GIGYF1: variants seen among roughly 807,000 people sequenced by gnomAD.
GIGYF1 encodes GRB10-interacting GYF protein 1.
A neutral mutation model predicts 147.1 loss-of-function variants in GIGYF1; 84 were observed. That is an observed-to-expected ratio of 0.57 (90% CI 0.48 to 0.68). The LOEUF (loss-of-function observed/expected upper bound fraction) is 0.68. GIGYF1 is among the 30% of genes least tolerant of loss of function. The probability of loss-of-function intolerance (pLI) is 0.00; values close to 1 mark genes in which losing one functional copy is unlikely to be tolerated. For missense variants in GIGYF1, 1,485 were observed against 1,393.7 expected, an observed-to-expected ratio of 1.07 and a Z score of -1.04; for synonymous variants, 752 against 589.5, an observed-to-expected ratio of 1.28 and a Z score of -3.99.
rs775363524 is a variant in GIGYF1, at chr7:100,685,373, G to A, written c.1163C>T (p.Thr388Ile). 1.3e-6 allele frequency: 2 copies of A among 1,598,946 alleles called. No homozygotes were observed. The highest frequency in any genetic ancestry group is 2.2e-5 in the South Asian group (2 of 88,920). Residue 388 changes from threonine (T) to isoleucine (I), a missense_variant, in exon 13 of 27, where the codon ACT (threonine) becomes ATT (isoleucine). By Grantham distance (89) the Thr-to-Ile change is moderately conservative. Coordinates refer to ENST00000678049, the MANE Select transcript of GIGYF1 (RefSeq NM_001375765.1). ...GGCCGCTGGGGGCTCTTTCTCTGCAGTTTCGTCCCCATCCCCGTTTGTCCC... is the reference window on the plus strand; with the variant it reads ...GGCCGCTGGGGGCTCTTTCTCTGCAATTTCGTCCCCATCCCCGTTTGTCCC... ...LWGTNGDGDE[T>I]AEKEPPAAED...
At chr7:100,691,495 G>A (rs904046664) in intron 1 of GIGYF1, among the ~76,000 whole-genome samples, 70 of 82,828 alleles carry the variant, frequency 8.5e-4, no homozygotes, top group Admixed American at 1.6e-3. Context: ...AAATCTTTGA[G>A]AAAAGAATAG....
At position 100,684,288 on chromosome 7, in the gene GIGYF1, G is replaced by A. The variant is rs761377393; in HGVS notation, c.1679C>T (p.Ala560Val). 10 of 1,603,988 alleles carry A rather than the reference G, an allele frequency of 6.2e-6. No homozygotes were observed. Among genetic ancestry groups the A allele is most frequent in the African/African-American group, 1.3e-5 (1 of 74,738 alleles). Residue 560 changes from alanine (A) to valine (V), a missense_variant, in exon 17 of 27, where the codon GCG becomes GTG. By Grantham distance (64) the Ala-to-Val change is moderately conservative (BLOSUM62 0). Coordinates refer to ENST00000678049, the MANE Select transcript of GIGYF1 (RefSeq NM_001375765.1). ...RLKKQQELAA[A>V]ALYQQLQHQQ... ...GTGCTGCAGCTGCTGGTACAAGGCCGCCGCGGCCAGCTCCTGTTGCTTCTT... is the reference window on the plus strand; with the variant it reads ...GTGCTGCAGCTGCTGGTACAAGGCCACCGCGGCCAGCTCCTGTTGCTTCTT...
In GIGYF1 at chr7:100,691,745, C is replaced by T. The variant is rs1294652344; in HGVS notation, c.-1098-2190G>A. ...CAAGCCTCGGCCTACTTCGGCTCCT[C>T]GCCCCTTCCCCACCCCTTCTCTTTC... On this transcript the variant is annotated intron_variant, in intron 1 of 26. Transcript: ENST00000678049. Among the ~76,000 whole-genome samples, 5 of 152,218 alleles carry T rather than the reference C, an allele frequency of 3.3e-5. No homozygotes were observed. In the East Asian group the frequency reaches 9.7e-4, roughly 30 times the overall value.
intron 1 of GIGYF1, among the ~76,000 whole-genome samples, chr7:100,691,478 C>T (rs1354958249): frequency 1.3e-5 from 2 of 149,588 alleles, no homozygotes; most frequent in African/African-American, 5.0e-5. Context: ...GAAATCCTGC[C>T]AGGAGAAAAT....
At chr7:100,686,587 C>A in intron 10 of GIGYF1, 62 bp downstream of exon 10, 1 of 1,547,164 alleles carries the variant, frequency 6.5e-7, no homozygotes, top group Non-Finnish European at 8.7e-7. Flanking sequence ...CAGGAGCCCA[C>A]CCTCTCATTA....
At position 100,685,436 on chromosome 7, in the gene GIGYF1, C is replaced by T; in HGVS notation, c.1100G>A (p.Ser367Asn). ...TPLPPQEEKSSSPSPLPTLGP... is the reference protein window; with the variant it reads ...TPLPPQEEKSNSPSPLPTLGP... ...CAGGGTGGGCAGTGGGGATGGGGAG[C>T]TGGACTTCTCCTCCTGAGGAGGCAG... Residue 367 changes from serine (S) to asparagine (N), a missense_variant, in exon 13 of 27, where the codon AGC becomes AAC. Physicochemically the swap from Ser to Asn is conservative, Grantham distance 46. Coordinates refer to ENST00000678049, the MANE Select transcript of GIGYF1 (RefSeq NM_001375765.1). 8.8e-6 allele frequency: 14 copies of T among 1,589,974 alleles called. No homozygotes were observed. Among genetic ancestry groups the T allele is most frequent in the Non-Finnish European group, 1.2e-5 (14 of 1,174,294 alleles).
At position 100,683,581 on chromosome 7, in the gene GIGYF1, G is replaced by A. The variant is rs1435478752; in HGVS notation, c.2021C>T (p.Pro674Leu). ...DIPINSSTQG[P>L]ILEQLQLQHK... ...TTGCAGCTGGAGTTGTTCTAGAATT[G>A]GACCCTGAGTCGAAGAGTTAATTGG... The change falls in exon 20 of 27, where the codon CCA (proline) becomes CTA (leucine). Residue 674 changes from proline to leucine, a missense_variant. Physicochemically the swap from Pro to Leu is moderately conservative, Grantham distance 98. Transcript: ENST00000678049. 6.2e-7 allele frequency: 1 copy of A among 1,614,230 alleles called. No homozygotes were observed. The highest frequency in any genetic ancestry group is 1.7e-5 in the Admixed American group (1 of 60,030).
At chr7:100,690,764 A>T (rs553638243) in intron 1 of GIGYF1, among the ~76,000 whole-genome samples, 1 of 145,880 alleles carries the variant, frequency 6.9e-6, no homozygotes, top group East Asian at 2.0e-4. Flanking sequence ...CCTGGGCAAC[A>T]GAGCAAGACT....
Position 100,683,717 on chromosome 7 carries a change from G to A in GIGYF1, c.1970-85C>T, listed in dbSNP as rs868212933. On this transcript the variant is annotated intron_variant, in intron 19 of 26. Transcript: ENST00000678049. ...TCCAGCCGCAGCAGTGGGCTCCCCA[G>A]CCAGAATGGCAGCTAGGGGCGTGTG... is the stretch of plus-strand genomic sequence containing the variant. 1.2e-5 allele frequency: 18 copies of A among 1,553,960 alleles called. No individual in the cohort carries two copies. In the Middle Eastern group the frequency reaches 2.7e-3, roughly 233 times the overall value.
At position 100,687,279 on chromosome 7, in the gene GIGYF1, T is replaced by C. The variant is rs368845721; in HGVS notation, c.482+19A>G. 6.8e-5 allele frequency: 109 copies of C among 1,605,700 alleles called. No individual in the cohort carries two copies. In the African/African-American group the frequency reaches 1.2e-3, roughly 18 times the overall value. ...CCCTGGCCTGCCCGGCTCTGCGCCATGCCCCCTCCCCGCCCCACCTGTCAT... is the reference window on the plus strand; with the variant it reads ...CCCTGGCCTGCCCGGCTCTGCGCCACGCCCCCTCCCCGCCCCACCTGTCAT... On this transcript the variant is annotated intron_variant, in intron 8 of 26. Transcript: ENST00000678049.
In GIGYF1 at chr7:100,683,284, T is replaced by C. The variant is rs775943625; in HGVS notation, c.2193+20A>G. The C allele has an allele frequency of 1.9e-6, 3 of 1,613,506 alleles. No individual in the cohort carries two copies. The highest frequency in any genetic ancestry group is 2.5e-6 in the Non-Finnish European group (3 of 1,179,896). On this transcript the variant is annotated intron_variant, in intron 21 of 26. Transcript: ENST00000678049. ...GGCGAGGGTTGTCCACCCAGCCAGC[T>C]GAGGCTTGGGAGCACCCACGTGCTT... is the stretch of plus-strand genomic sequence containing the variant.
chr7:100,681,633 T>C lies in GIGYF1; in HGVS notation c.*86A>G, dbSNP rs907957884. On this transcript the variant is annotated 3_prime_UTR_variant, in exon 27 of 27. Coordinates refer to ENST00000678049, the MANE Select transcript of GIGYF1 (RefSeq NM_001375765.1). ...CGCCCCTGCCTCTTCCTGTGCTCTC[T>C]GCGGGGAGCCTGCAGGCTGGGACCC... 18 of 1,323,728 alleles carry C rather than the reference T, an allele frequency of 1.4e-5. No homozygotes were observed. The Admixed American group carries it at 2.8e-4, about 20-fold the overall frequency. The allele number at this position is 1,323,728 out of a possible 1,614,324, so 82.0% of individuals were successfully genotyped here.
rs765383035 is a variant in GIGYF1, at chr7:100,681,780, G to A, written c.3056-9C>T. The A allele has an allele frequency of 3.8e-5, 61 of 1,589,826 alleles. 1 individual carries two copies. The highest frequency in any genetic ancestry group is 3.3e-5 in the Non-Finnish European group (38 of 1,166,718). On this transcript the variant is annotated splice_polypyrimidine_tract_variant and intron_variant, in intron 26 of 26. Coordinates refer to ENST00000678049, the MANE Select transcript of GIGYF1 (RefSeq NM_001375765.1). The stretch of plus-strand genomic sequence containing the variant: ...TCCGTGCAGGGAGTACCCTGAAGCC[G>A]GGGAGAAGCTGCGTCTGAGCTCTCT...
chr7:100,692,627 T>C (rs1419112429), intron 1 of GIGYF1, among the ~76,000 whole-genome samples: 1 of 152,252 alleles, frequency 6.6e-6, no homozygotes, highest in Non-Finnish European at 1.5e-5. Context: ...AAGTTAGGGC[T>C]AACGCATCAG....
chr7:100,688,464 G>T lies in GIGYF1; in HGVS notation c.-83C>A. 1 of 695,930 alleles carries T rather than the reference G, an allele frequency of 1.4e-6. No individual in the cohort carries two copies. 43.1% of individuals were successfully genotyped at this position (695,930 alleles called of 1,614,324 possible). ...AAAAGGACTCACCTGAGCCAGCCAC[G>T]TGGCCACTCACACCATGAGTTACCC... On this transcript the variant is annotated 5_prime_UTR_variant, in exon 3 of 27. Transcript: ENST00000678049.
At position 100,684,833 on chromosome 7, in the gene GIGYF1, G is replaced by A. The variant is rs141685468; in HGVS notation, c.1352C>T (p.Ala451Val). Residue 451 changes from alanine (A) to valine (V), a missense_variant, in exon 15 of 27, where the codon GCT becomes GTT. By Grantham distance (64) the Ala-to-Val change is moderately conservative. Coordinates refer to ENST00000678049, the MANE Select transcript of GIGYF1 (RefSeq NM_001375765.1). ...GCGCAGGCCCTGGGTCTGCATGGCA[G>A]CCGTGAACTGCTCCTCCTCCAAGGA... is the stretch of plus-strand genomic sequence containing the variant. ...DSSLEEEQFT[A>V]AMQTQGLRHS... The A allele has an allele frequency of 7.5e-6, 12 of 1,607,424 alleles. No homozygotes were observed. In the African/African-American group the frequency reaches 9.3e-5, roughly 13 times the overall value.
Position 100,684,505 on chromosome 7 carries a change from A to T in GIGYF1, c.1574T>A (p.Ile525Asn). ...AAAGGGCACGCGGCCCCACATCTTG[A>T]TCACCTCGCCCAGCGGCTGGAAGCC... ...DEGFQPLGEVIKMWGRVPFAP... is the reference protein window; with the variant it reads ...DEGFQPLGEVNKMWGRVPFAP... Residue 525 changes from isoleucine to asparagine, a missense_variant, in exon 16 of 27, where the codon ATC becomes AAC. Coordinates refer to ENST00000678049, the MANE Select transcript of GIGYF1 (RefSeq NM_001375765.1). The T allele has an allele frequency of 6.2e-7, 1 of 1,613,830 alleles. No individual in the cohort carries two copies. The highest frequency in any genetic ancestry group is 8.5e-7 in the Non-Finnish European group (1 of 1,180,018).
rs1163182644 is a variant in GIGYF1, at chr7:100,690,785, A to AC, written c.-1098-1231_-1098-1230insG. 3.0e-4 allele frequency among the ~76,000 whole-genome samples: 45 copies of AC among 150,024 alleles called. 1 individual carries two copies. The highest frequency in any genetic ancestry group is 1.1e-3 in the African/African-American group (44 of 40,402). On this transcript the variant is annotated intron_variant, in intron 1 of 26. Coordinates refer to ENST00000678049, the MANE Select transcript of GIGYF1 (RefSeq NM_001375765.1). ...CAACAGAGCAAGACTCTGTCTCAAA[A>AC]AAAAAAAAAAAAAAAAATTTAAAGC...
chr7:100,682,462 G>C lies in GIGYF1; in HGVS notation c.2621C>G (p.Ser874Trp), dbSNP rs758582290. 3 of 1,612,820 alleles carry C rather than the reference G, an allele frequency of 1.9e-6. No homozygotes were observed. The highest frequency in any genetic ancestry group is 2.5e-6 in the Non-Finnish European group (3 of 1,179,958). ...CGTCTTTTTGCGAATGGGCCGACCC[G>C]ATAGGTGGCTGTATGAGTCACTGAA... ...PSLSDSYSHL[S>W]GRPIRKKTEE... is the part of the protein sequence containing the mutation. The change falls in exon 24 of 27, where the codon TCG becomes TGG. Residue 874 changes from serine to tryptophan, a missense_variant. Coordinates refer to ENST00000678049, the MANE Select transcript of GIGYF1 (RefSeq NM_001375765.1).
Sources: gnomAD v4.1 joint callset for allele counts (sites outside exome capture counted in the v4.1 genomes callset) on GRCh38, gnomAD v4.1.1 for gene constraint, MANE v1.5 for transcripts, NCBI Gene and HGNC (gene_info 2026-07-23, HGNC 2026-07-21) for gene names.